The following SORL1 variants were observed in gnomAD, a reference collection of about 807,000 sequenced individuals.
The protein encoded by SORL1 is sortilin-related receptor.
A neutral mutation model predicts 273.7 loss-of-function variants in SORL1; 127 were observed. The ratio of observed to expected loss-of-function variants is 0.46; its 90% CI spans 0.40 to 0.54. The LOEUF (loss-of-function observed/expected upper bound fraction) is 0.54, where lower values mean the gene tolerates loss of function less well. Among genes scored for constraint, SORL1 ranks in the 20% least tolerant of loss-of-function variants. The probability of loss-of-function intolerance (pLI) is 0.00; values close to 1 mark genes in which losing one functional copy is unlikely to be tolerated. For synonymous variants in SORL1, 1,031 were observed against 1,067.4 expected, an observed-to-expected ratio of 0.97 and a Z score of 0.66; for missense variants, 2,494 against 2,846.1, an observed-to-expected ratio of 0.88 and a Z score of 2.81.
chr11:121,528,147 T>C (rs189015888), intron 11 of SORL1, among the ~76,000 whole-genome samples: 109 of 152,258 alleles, frequency 7.2e-4, no homozygotes, highest in Admixed American at 1.6e-3. Context: ...GTTTTTAAGT[T>C]CAGAGTATAT....
intron 25 of SORL1, 56 bp from the exon 26 acceptor site, chr11:121,583,402 G>T: frequency 6.4e-7 from 1 of 1,564,124 alleles, no homozygotes; most frequent in African/African-American, 1.4e-5. Context: ...CCCTTGGACA[G>T]TTGGTGGGGG....
At chr11:121,477,241 A>G (rs1363398803) in intron 2 of SORL1, among the ~76,000 whole-genome samples, 1 of 152,198 alleles carries the variant, frequency 6.6e-6, no homozygotes, top group Non-Finnish European at 1.5e-5. Flanking sequence ...TACATCTCAC[A>G]GTATTGTCAC....
intron 6 of SORL1, among the ~76,000 whole-genome samples, chr11:121,509,377 T>C (rs1487699999): frequency 6.6e-6 from 1 of 152,236 alleles, no homozygotes; most frequent in African/African-American, 2.4e-5. Context: ...CCTTTACTCC[T>C]CTTTTCTCCT....
intron 30 of SORL1, 46 bp from the exon 31 acceptor site, chr11:121,590,955 A>G (rs1863203352): frequency 6.2e-7 from 1 of 1,612,164 alleles, no homozygotes; most frequent in African/African-American, 1.3e-5. Context: ...TCTAAGATCA[A>G]GCTGCTTCTA....
At chr11:121,458,935 T>C (rs144706669) in intron 1 of SORL1, among the ~76,000 whole-genome samples, 23 of 152,350 alleles carry the variant, frequency 1.5e-4, no homozygotes, top group African/African-American at 5.3e-4. Flanking sequence ...TACACTAGTG[T>C]GTTAAAAAAT....
chr11:121,613,530 T>C (rs1236172945), intron 40 of SORL1, among the ~76,000 whole-genome samples: 1 of 152,164 alleles, frequency 6.6e-6, no homozygotes, highest in Non-Finnish European at 1.5e-5. Context: ...ACTACAAATG[T>C]TCTATTGTTA....
At chr11:121,590,859 C>T (rs753102451) in intron 30 of SORL1, 142 bp from the exon 31 acceptor site, 3 of 866,118 alleles carry the variant, frequency 3.5e-6, no homozygotes, top group Non-Finnish European at 6.0e-6. Context: ...AGATTAGCCG[C>T]TGCTCAGAGC....
intron 6 of SORL1, among the ~76,000 whole-genome samples, chr11:121,502,928 G>A (rs934005019): frequency 9.9e-5 from 15 of 151,910 alleles, no homozygotes; most frequent in African/African-American, 2.2e-4. Context: ...GGAGTACAGC[G>A]GAGCGATTGT....
intron 1 of SORL1, among the ~76,000 whole-genome samples, chr11:121,457,803 G>GT (rs1215575225): frequency 3.9e-5 from 6 of 152,308 alleles, no homozygotes; most frequent in African/African-American, 1.4e-4. Context: ...ATGGATCTTG[G>GT]TTTTAATTTG....
intron 1 of SORL1, among the ~76,000 whole-genome samples, chr11:121,454,140 G>A (rs1391594457): frequency 2.6e-5 from 4 of 152,212 alleles, no homozygotes; most frequent in Admixed American, 1.3e-4. Context: ...AGTCATCAAG[G>A]TCCTTGCTCT....
chr11:121,550,643 GGA>G lies in SORL1; in HGVS notation c.2243_2244del (p.Glu748AlafsTer25). ...AGGAGATGTTGAAGCGCGACTGGAA[GGA>G]GAGCTGGTCCCCTGTCCCCTGGCAG... ...SGGDVEARLE[G>X]ELVPCPLAEE... On this transcript the variant is annotated frameshift_variant, in exon 16 of 48. Coordinates refer to ENST00000260197, the MANE Select transcript of SORL1 (RefSeq NM_003105.6). LOFTEE classifies it high-confidence loss of function. The surrounding 1 kb of genome is among the most constrained non-coding windows in gnomAD (Gnocchi z 5.3). 6.2e-7 allele frequency: 1 copy of G among 1,614,088 alleles called. No homozygotes were observed. The highest frequency in any genetic ancestry group is 8.5e-7 in the Non-Finnish European group (1 of 1,179,944).
intron 32 of SORL1, among the ~76,000 whole-genome samples, chr11:121,601,710 C>A (rs1281275930): frequency 1.3e-5 from 2 of 151,952 alleles, no homozygotes; most frequent in African/African-American, 4.8e-5. Context: ...ACTACCGCAC[C>A]CAGCTTACTT....
intron 11 of SORL1, among the ~76,000 whole-genome samples, chr11:121,528,055 T>C (rs1862147982): frequency 6.6e-6 from 1 of 152,238 alleles, no homozygotes; most frequent in Non-Finnish European, 1.5e-5. Flanking sequence ...TATCTTCTTT[T>C]CTAATGTAAG....
chr11:121,547,159 A>G (rs538396291), intron 14 of SORL1: 1 of 152,066 alleles, frequency 6.6e-6, no homozygotes, highest in East Asian at 1.9e-4. Context: ...CTAATCTGAG[A>G]GCTTTGTTGG....
chr11:121,627,301 C>T lies in SORL1; in HGVS notation c.6365-254C>T. ...CCTTCCAAGAGATTATCTAAATAACCAACAAGGCAGTGATTAGGAGTCTAA... is the reference window on the plus strand; with the variant it reads ...CCTTCCAAGAGATTATCTAAATAACTAACAAGGCAGTGATTAGGAGTCTAA... On this transcript the variant is annotated intron_variant, in intron 46 of 47. Transcript: ENST00000260197. This position sits in a 1 kb window ranked among gnomAD's most constrained non-coding sequence, Gnocchi z 4.9. 1 of 496,278 alleles carries T rather than the reference C, an allele frequency of 2.0e-6. No homozygotes were observed. The highest frequency in any genetic ancestry group is 3.6e-6 in the Non-Finnish European group (1 of 277,744). 30.7% of individuals were successfully genotyped at this position (496,278 alleles called of 1,614,324 possible). A position where few individuals can be genotyped will look rare whatever the true frequency, so the allele number is the denominator to read the frequency against.
intron 6 of SORL1, among the ~76,000 whole-genome samples, chr11:121,509,344 A>G (rs909862151): frequency 6.6e-6 from 1 of 152,118 alleles, no homozygotes; most frequent in South Asian, 2.1e-4. Flanking sequence ...CCTTTACTTG[A>G]TAAGAATGTC....
At chr11:121,516,025 C>G (rs1218658992) in intron 8 of SORL1, among the ~76,000 whole-genome samples, 4 of 152,142 alleles carry the variant, frequency 2.6e-5, no homozygotes, top group Non-Finnish European at 4.4e-5. Flanking sequence ...CAATTTTTTT[C>G]CGTTAAAATC....
chr11:121,485,814 T>C (rs1565311735), intron 3 of SORL1, among the ~76,000 whole-genome samples: 1 of 152,254 alleles, frequency 6.6e-6, no homozygotes, highest in Non-Finnish European at 1.5e-5. Context: ...TTTATAACAT[T>C]GCATTTTATT....
chr11:121,475,967 T>C (rs183042313), intron 2 of SORL1, among the ~76,000 whole-genome samples: 1 of 152,308 alleles, frequency 6.6e-6, no homozygotes, highest in East Asian at 1.9e-4. Flanking sequence ...CCAGGTACAC[T>C]GAAAGAGACA....
Sources: gnomAD v4.1 joint callset for allele counts (sites outside exome capture counted in the v4.1 genomes callset) on GRCh38, gnomAD v4.1.1 for gene constraint, Gnocchi (gnomAD v3.1) non-coding constraint, MANE v1.5 for transcripts, NCBI Gene and HGNC (gene_info 2026-07-23, HGNC 2026-07-21) for gene names.